KIF13A: variants seen among roughly 807,000 people sequenced by gnomAD.
KIF13A encodes the protein kinesin family member 13A.
In KIF13A, 79 loss-of-function variants were observed where a neutral mutation model predicts 212.2. The ratio of observed to expected loss-of-function variants is 0.37; its 90% CI spans 0.31 to 0.45. The LOEUF is 0.45. Among genes scored for constraint, KIF13A ranks in the 20% least tolerant of loss-of-function variants. The pLI is 1.00. For missense variants in KIF13A, 1,901 were observed against 2,209.0 expected (o/e 0.86, Z 2.79); for synonymous variants, 789 against 808.6 (o/e 0.98, Z 0.41).
intron 2 of KIF13A, among the ~76,000 whole-genome samples, chr6:17,944,925 A>T (rs1777256580): frequency 6.6e-6 from 1 of 152,182 alleles, no homozygotes; most frequent in Non-Finnish European, 1.5e-5. Flanking sequence ...GTAAGTATAT[A>T]CTAAAGTCGA....
intron 6 of KIF13A, among the ~76,000 whole-genome samples, chr6:17,853,022 C>CT (rs1339203419): frequency 6.6e-6 from 1 of 152,162 alleles, no homozygotes; most frequent in African/African-American, 2.4e-5. Context: ...TGCACACCAT[C>CT]TTTTTCAGGG....
At chr6:17,868,989 CAAAAAAAAAAAAAAAAA>C (rs71002278) in intron 4 of KIF13A, among the ~76,000 whole-genome samples, 2 of 20,914 alleles carry the variant, frequency 9.6e-5, no homozygotes, top group Admixed American at 1.1e-3. Flanking sequence ...GACTCCCTCT[CAAAAAAAAAAAAAAAAA>C]AAAAAAAAAA....
chr6:17,890,007 G>C (rs1581647815), intron 3 of KIF13A, among the ~76,000 whole-genome samples: 1 of 151,848 alleles, frequency 6.6e-6, no homozygotes, highest in South Asian at 2.1e-4. Context: ...GGAAAGACAG[G>C]GAAAAACCCT....
intron 2 of KIF13A, among the ~76,000 whole-genome samples, chr6:17,929,171 C>T (rs539303275): frequency 6.0e-5 from 9 of 149,798 alleles, no homozygotes; most frequent in South Asian, 2.1e-4. Context: ...AGGCTAAAAA[C>T]GAAATTCTTA....
At chr6:17,913,838 A>G (rs994986527) in intron 2 of KIF13A, among the ~76,000 whole-genome samples, 2 of 152,188 alleles carry the variant, frequency 1.3e-5, no homozygotes, top group Admixed American at 6.5e-5. Context: ...GAGGAAACCA[A>G]CTTTCAGGGA....
intron 2 of KIF13A, among the ~76,000 whole-genome samples, chr6:17,936,187 A>T (rs1776444928): frequency 2.0e-5 from 3 of 152,092 alleles, no homozygotes; most frequent in Non-Finnish European, 2.9e-5. Context: ...TTACTCTTCC[A>T]CCCAAACTGG....
Position 17,915,950 on chromosome 6 carries a change from A to T in KIF13A, c.147-17770T>A, listed in dbSNP as rs557479583. Among the ~76,000 whole-genome samples, 5,240 of 132,202 alleles carry T rather than the reference A, an allele frequency of 0.04. 321 individuals carry two copies. The highest frequency in any genetic ancestry group is 0.16 in the African/African-American group (4,981 of 31,780). 86.7% of individuals were successfully genotyped at this position (132,202 alleles called of 152,430 possible). A position where few individuals can be genotyped will look rare whatever the true frequency, so the allele number is the denominator to read the frequency against. ...AGAGCCAGTCTCAAAAAAAAAAATA[A>T]AAATAAAAATAAAATAAAATAAAAT... On this transcript the variant is annotated intron_variant, in intron 2 of 38. Transcript: ENST00000259711. This position sits in a 1 kb window ranked among gnomAD's most constrained non-coding sequence, Gnocchi z 4.4.
At chr6:17,802,251 A>G (rs1045621225) in intron 20 of KIF13A, among the ~76,000 whole-genome samples, 1 of 152,184 alleles carries the variant, frequency 6.6e-6, no homozygotes, top group African/African-American at 2.4e-5. Context: ...AAGATGGGGG[A>G]AGAAAGGAAA....
At chr6:17,842,864 T>C (rs1402800285) in intron 9 of KIF13A, among the ~76,000 whole-genome samples, 1 of 152,110 alleles carries the variant, frequency 6.6e-6, no homozygotes, top group Non-Finnish European at 1.5e-5. Context: ...CAACTTTTTT[T>C]TTTTTCTTTT....
Position 17,789,974 on chromosome 6 carries a change from T to C in KIF13A, c.3223-64A>G. ...TTTTTCAAACCACATACAGGGAAAATAATTATTTAAGCTTAACACACATTA... is the reference window on the plus strand; with the variant it reads ...TTTTTCAAACCACATACAGGGAAAACAATTATTTAAGCTTAACACACATTA... On this transcript the variant is annotated intron_variant, in intron 25 of 38. Coordinates refer to ENST00000259711, the MANE Select transcript of KIF13A (RefSeq NM_022113.6). The surrounding 1 kb of genome is among the most constrained non-coding windows in gnomAD (Gnocchi z 4.8). The C allele has an allele frequency of 1.5e-6, 2 of 1,292,696 alleles. No homozygotes were observed. Among genetic ancestry groups the C allele is most frequent in the Admixed American group, 1.8e-5 (1 of 55,934 alleles). 80.1% of individuals were successfully genotyped at this position (1,292,696 alleles called of 1,614,324 possible). A position where few individuals can be genotyped will look rare whatever the true frequency, so the allele number is the denominator to read the frequency against.
chr6:17,975,001 C>T (rs1323398891), intron 2 of KIF13A, among the ~76,000 whole-genome samples: 1 of 152,224 alleles, frequency 6.6e-6, no homozygotes. Flanking sequence ...GTTCTCAAAG[C>T]TTGGTCCCAA....
chr6:17,860,149 T>C (rs2150412495), intron 4 of KIF13A, among the ~76,000 whole-genome samples: 1 of 152,288 alleles, frequency 6.6e-6, no homozygotes, highest in South Asian at 2.1e-4. Flanking sequence ...GTCTCCAGGA[T>C]AATTTTTACA....
At chr6:17,935,827 T>C (rs1258164524) in intron 2 of KIF13A, among the ~76,000 whole-genome samples, 1 of 152,204 alleles carries the variant, frequency 6.6e-6, no homozygotes, top group Non-Finnish European at 1.5e-5. Flanking sequence ...CTTAAAAAGA[T>C]AAAATTATTC....
chr6:17,924,951 T>C (rs879452333), intron 2 of KIF13A, among the ~76,000 whole-genome samples: 1 of 152,182 alleles, frequency 6.6e-6, no homozygotes, highest in Non-Finnish European at 1.5e-5. Context: ...TGATGGGCAA[T>C]ATCTAAAAAG....
intron 11 of KIF13A, among the ~76,000 whole-genome samples, chr6:17,835,712 A>C (rs1765896079): frequency 6.6e-6 from 1 of 152,202 alleles, no homozygotes. Flanking sequence ...ATGTAATGCC[A>C]AGATCACCAA....
intron 2 of KIF13A, among the ~76,000 whole-genome samples, chr6:17,977,902 T>C (rs1303745461): frequency 6.6e-6 from 1 of 152,230 alleles, no homozygotes; most frequent in Non-Finnish European, 1.5e-5. Flanking sequence ...TTTGTTTCTG[T>C]CACGTTTCTT....
rs542337365 is a variant in KIF13A, at chr6:17,871,661, G to C, written c.220+1716C>G. Among the ~76,000 whole-genome samples the C allele has an allele frequency of 6.6e-6, 1 of 152,246 alleles. No homozygotes were observed. Among genetic ancestry groups the C allele is most frequent in the East Asian group, 1.9e-4 (1 of 5,180 alleles). ...GAGTGGTGAGAGGAGTCCCAGAAGA[G>C]ACAGTGGAGAAGGTAGAATGGGGTT... On this transcript the variant is annotated intron_variant, in intron 4 of 38. Transcript: ENST00000259711. This position sits in a 1 kb window ranked among gnomAD's most constrained non-coding sequence, Gnocchi z 4.4.
intron 2 of KIF13A, among the ~76,000 whole-genome samples, chr6:17,964,028 G>A (rs1779084189): frequency 6.6e-6 from 1 of 152,148 alleles, no homozygotes; most frequent in African/African-American, 2.4e-5. Context: ...CAGGCAGGAG[G>A]ATAGCTTGAT....
In KIF13A at chr6:17,783,810, A is replaced by G. The variant is rs114006608; in HGVS notation, c.3489-109T>C. ...GCAAAGAGAACCATGGTGGAGATGC[A>G]GTTTCCACTAATGAAATACTTTCAT... On this transcript the variant is annotated intron_variant, in intron 28 of 38. Coordinates refer to ENST00000259711, the MANE Select transcript of KIF13A (RefSeq NM_022113.6). The surrounding 1 kb of genome is among the most constrained non-coding windows in gnomAD (Gnocchi z 4.3). The G allele has an allele frequency of 1.6e-3, 1,175 of 721,184 alleles. 5 individuals carry two copies. The highest frequency in any genetic ancestry group is 8.5e-3 in the African/African-American group (484 of 56,898). The allele number at this position is 721,184 out of a possible 1,614,324, so 44.7% of individuals were successfully genotyped here.
Sources: gnomAD v4.1 joint callset for allele counts (sites outside exome capture counted in the v4.1 genomes callset) on GRCh38, gnomAD v4.1.1 for gene constraint, Gnocchi (gnomAD v3.1) non-coding constraint, MANE v1.5 for transcripts, NCBI Gene and HGNC (gene_info 2026-07-23, HGNC 2026-07-21) for gene names.